Variants in LARP4B observed in about 807,000 individuals in gnomAD.
LARP4B encodes the protein la-related protein 4B.
LARP4B carries 12 observed loss-of-function variants against 89.8 expected under a neutral mutation model. The observed-to-expected ratio is 0.13, with a 90% CI of 0.09 to 0.22. The LOEUF is 0.22. LARP4B is among the 10% of genes least tolerant of loss of function. The pLI, the probability that LARP4B is intolerant of heterozygous loss-of-function variation, is 1.00. For synonymous variants in LARP4B, 367 were observed against 363.3 expected, an observed-to-expected ratio of 1.01 and a Z score of -0.12; for missense variants, 757 against 947.7, an observed-to-expected ratio of 0.80 and a Z score of 2.64.
At chr10:909,627 G>C (rs1170900883) in intron 1 of LARP4B, among the ~76,000 whole-genome samples, 1 of 150,780 alleles carries the variant, frequency 6.6e-6, no homozygotes, top group Non-Finnish European at 1.5e-5. Flanking sequence ...TCTACTAAAA[G>C]TACAAAAATT....
chr10:921,560 C>T (rs1440830864), intron 1 of LARP4B, among the ~76,000 whole-genome samples: 2 of 152,160 alleles, frequency 1.3e-5, no homozygotes, highest in Non-Finnish European at 2.9e-5. Flanking sequence ...AAATTCTGAA[C>T]TTACAGGAAA....
chr10:950,244 T>C, the LARP4B span, among the ~76,000 whole-genome samples: 1 of 152,244 alleles, frequency 6.6e-6, no homozygotes, highest in East Asian at 1.9e-4. Context: ...TTTTATTTTT[T>C]GTGAAGTCCA....
chr10:855,665 T>C lies in LARP4B; in HGVS notation c.430+8078A>G, dbSNP rs184602967. Reference sequence around the variant, plus strand: ...TTAATAATAATGAAAAGGCTTAAAATATTGTGAGAATTATGAAAATGTGAC... The same window carrying C: ...TTAATAATAATGAAAAGGCTTAAAACATTGTGAGAATTATGAAAATGTGAC... On this transcript the variant is annotated intron_variant, in intron 5 of 17. Coordinates refer to ENST00000316157, the MANE Select transcript of LARP4B (RefSeq NM_015155.3). Among the ~76,000 whole-genome samples the C allele has an allele frequency of 2.0e-4, 31 of 152,294 alleles. No individual in the cohort carries two copies. The East Asian group carries it at 5.6e-3, about 27-fold the overall frequency.
intron 1 of LARP4B, among the ~76,000 whole-genome samples, chr10:896,923 C>T (rs1214359380): frequency 6.6e-6 from 1 of 151,164 alleles, no homozygotes; most frequent in African/African-American, 2.4e-5. Context: ...TTTACAATGC[C>T]AACAAACCCC....
chr10:949,704 G>A, the LARP4B span, among the ~76,000 whole-genome samples: 1 of 152,214 alleles, frequency 6.6e-6, no homozygotes, highest in Non-Finnish European at 1.5e-5. Context: ...ACTATGTTCG[G>A]TGTCATTCTC....
the LARP4B span, among the ~76,000 whole-genome samples, chr10:958,428 G>C: frequency 6.6e-6 from 1 of 152,272 alleles, no homozygotes; most frequent in South Asian, 2.1e-4. Context: ...TTTCTTCAAG[G>C]GACCTTTGAA....
At position 814,135 on chromosome 10, in the gene LARP4B, A is replaced by G. The variant is rs1481203872; in HGVS notation, c.1929+607T>C. On this transcript the variant is annotated intron_variant, in intron 17 of 17. Transcript: ENST00000316157. The surrounding 1 kb of genome is among the most constrained non-coding windows in gnomAD (Gnocchi z 4.4). ...ATTATTATTATTTATTATTAAAATTATTAATTTTAACCTATAAAAAATCCT... is the reference window on the plus strand; with the variant it reads ...ATTATTATTATTTATTATTAAAATTGTTAATTTTAACCTATAAAAAATCCT... Among the ~76,000 whole-genome samples the G allele has an allele frequency of 6.6e-6, 1 of 151,690 alleles. No individual in the cohort carries two copies. Among genetic ancestry groups the G allele is most frequent in the Non-Finnish European group, 1.5e-5 (1 of 67,958 alleles).
At position 820,997 on chromosome 10, in the gene LARP4B, A is replaced by G. The variant is rs1261022072; in HGVS notation, c.1485-152T>C. The G allele has an allele frequency of 9.0e-6, 6 of 665,876 alleles. No individual in the cohort carries two copies. The African/African-American group carries it at 1.1e-4, about 12-fold the overall frequency. 41.2% of individuals were successfully genotyped at this position (665,876 alleles called of 1,614,324 possible). A position where few individuals can be genotyped will look rare whatever the true frequency, so the allele number is the denominator to read the frequency against. On this transcript the variant is annotated intron_variant, in intron 13 of 17. Transcript: ENST00000316157. ...AGATGACTTTCAATTCTAAAATCCC[A>G]ACTTCAGGAAGCGTAAGCAGAACAA...
At position 811,270 on chromosome 10, in the gene LARP4B, A is replaced by G. The variant is rs1831735572; in HGVS notation, c.*1656T>C. 6.5e-6 allele frequency: 1 copy of G among 152,686 alleles called. No individual in the cohort carries two copies. Among genetic ancestry groups the G allele is most frequent in the South Asian group, 2.1e-4 (1 of 4,834 alleles). 9.5% of individuals were successfully genotyped at this position (152,686 alleles called of 1,614,324 possible). A position where few individuals can be genotyped will look rare whatever the true frequency, so the allele number is the denominator to read the frequency against. On this transcript the variant is annotated 3_prime_UTR_variant, in exon 18 of 18. Transcript: ENST00000316157. Reference sequence around the variant, plus strand: ...CCCGCTCAACAGCAACATTTATAATATATCAATAATCTGTATCAGAATTTT... The same window carrying G: ...CCCGCTCAACAGCAACATTTATAATGTATCAATAATCTGTATCAGAATTTT...
intron 8 of LARP4B, among the ~76,000 whole-genome samples, chr10:834,624 A>G (rs913616026): frequency 2.0e-5 from 3 of 152,136 alleles, no homozygotes; most frequent in African/African-American, 7.2e-5. Context: ...TTAATTTATC[A>G]AAGAGTTTCC....
At chr10:977,546 G>GAA in the LARP4B span, among the ~76,000 whole-genome samples, 6 of 124,766 alleles carry the variant, frequency 4.8e-5, no homozygotes, top group African/African-American at 1.5e-4. Context: ...TCCTATCTCA[G>GAA]AAAAAAAAAA....
At chr10:912,781 T>C (rs1406102391) in intron 1 of LARP4B, among the ~76,000 whole-genome samples, 2 of 150,756 alleles carry the variant, frequency 1.3e-5, no homozygotes, top group Non-Finnish European at 2.9e-5. Flanking sequence ...TCCCAGCTAC[T>C]CGGGAGGCAT....
chr10:815,390 CCAGCA>C (rs1319319228), intron 15 of LARP4B: 3 of 198,202 alleles, frequency 1.5e-5, no homozygotes, highest in Non-Finnish European at 3.1e-5. Flanking sequence ...CACTTTGGGC[CCAGCA>C]CGGCACGGCA....
intron 1 of LARP4B, among the ~76,000 whole-genome samples, chr10:895,770 C>A (rs1836171343): frequency 6.7e-6 from 1 of 150,292 alleles, no homozygotes; most frequent in South Asian, 2.1e-4. Flanking sequence ...AAAAAAAAGA[C>A]AAAACTGTAG....
At chr10:918,497 G>A (rs957472004) in intron 1 of LARP4B, among the ~76,000 whole-genome samples, 2 of 151,980 alleles carry the variant, frequency 1.3e-5, no homozygotes, top group Admixed American at 6.6e-5. Flanking sequence ...AACCAGGTGT[G>A]GTGGCACGTG....
chr10:848,894 G>T (rs985234683), intron 5 of LARP4B, among the ~76,000 whole-genome samples: 7 of 152,120 alleles, frequency 4.6e-5, no homozygotes, highest in African/African-American at 1.7e-4. Flanking sequence ...TGTTTTGCTT[G>T]TTACAGTTTC....
the LARP4B span, among the ~76,000 whole-genome samples, chr10:975,013 G>C: frequency 6.6e-6 from 1 of 152,230 alleles, no homozygotes; most frequent in Non-Finnish European, 1.5e-5. Flanking sequence ...ATGGGGTCTG[G>C]CCTCTGCAGG....
intron 1 of LARP4B, among the ~76,000 whole-genome samples, chr10:906,964 A>T (rs2132005688): frequency 6.6e-6 from 1 of 152,282 alleles, no homozygotes; most frequent in African/African-American, 2.4e-5. Flanking sequence ...GCCCTCCCTA[A>T]AGCGAGGGAC....
the LARP4B span, chr10:987,839 C>G: frequency 6.6e-6 from 1 of 152,428 alleles, no homozygotes; most frequent in African/African-American, 2.4e-5. Flanking sequence ...TTAGATCAGG[C>G]TTTCCCTTCT....
Sources: allele counts gnomAD v4.1 joint callset (sites outside exome capture counted in the v4.1 genomes callset), GRCh38; gene constraint gnomAD v4.1.1; non-coding constraint Gnocchi (gnomAD v3.1); transcripts MANE v1.5; gene names NCBI Gene and HGNC (gene_info 2026-07-23, HGNC 2026-07-21).